The following ADAMTS3 variants were observed in gnomAD, a reference collection of about 807,000 sequenced individuals.
ADAMTS3 encodes the protein ADAM metallopeptidase with thrombospondin type 1 motif 3.
A neutral mutation model predicts 129.0 loss-of-function variants in ADAMTS3; 73 were observed. The ratio of observed to expected loss-of-function variants is 0.57; its 90% confidence interval spans 0.47 to 0.69. The LOEUF (loss-of-function observed/expected upper bound fraction) is 0.69, where lower values mean the gene tolerates loss of function less well. Among genes scored for constraint, ADAMTS3 ranks in the 30% least tolerant of loss-of-function variants. The pLI is 0.00. For missense variants in ADAMTS3, 1,457 were observed against 1,514.5 expected, an observed-to-expected ratio of 0.96 and a Z score of 0.63; for synonymous variants, 477 against 510.8, an observed-to-expected ratio of 0.93 and a Z score of 0.89.
In ADAMTS3 at chr4:72,319,427, A is replaced by G. The variant is rs1247650512; in HGVS notation, c.1257T>C (p.Thr419=). The G allele has an allele frequency of 6.2e-7, 1 of 1,613,974 alleles. No individual in the cohort carries two copies. Residue 419 remains threonine (T), a synonymous_variant, in exon 9 of 22, where the codon ACT becomes ACC. Transcript: ENST00000286657. ...AGGGAGCCATGACACTTCCCATAGC[A>G]GTCTCATCACCACACCTGTTGCCTT... ...DGQGNRCGDE[T]AMGSVMAPLV...
intron 4 of ADAMTS3, among the ~76,000 whole-genome samples, chr4:72,400,080 GGTGT>G: frequency 2.2e-5 from 1 of 46,116 alleles, no homozygotes; most frequent in South Asian, 1.1e-3. Flanking sequence ...ATGCACACAT[GGTGT>G]GTATATACGT....
chr4:72,357,943 T>C (rs1031006111), intron 4 of ADAMTS3, among the ~76,000 whole-genome samples: 3 of 151,916 alleles, frequency 2.0e-5, no homozygotes, highest in Admixed American at 2.0e-4. Context: ...CAGAAAGACA[T>C]TATGTAGCAA....
At chr4:72,489,631 T>C (rs974746987) in intron 3 of ADAMTS3, among the ~76,000 whole-genome samples, 4 of 151,962 alleles carry the variant, frequency 2.6e-5, no homozygotes, top group African/African-American at 9.7e-5. Context: ...TACATCTCAA[T>C]GGCTACGGCA....
rs371317041 is a variant in ADAMTS3, at chr4:72,298,007, A to C, written c.2590+270T>G. Among the ~76,000 whole-genome samples the C allele has an allele frequency of 5.1e-4, 78 of 152,218 alleles. 2 individuals carry two copies. The South Asian group carries it at 0.016, about 31-fold the overall frequency. ...AGAGTTTTGGAGTTTGGGAAGAATA[A>C]AGTGATTAAGGGTACCACTACAGTA... is the stretch of plus-strand genomic sequence containing the variant. On this transcript the variant is annotated intron_variant, in intron 18 of 21. Transcript: ENST00000286657.
rs1286963678 is a variant in ADAMTS3, at chr4:72,486,844, T to C, written c.504+61634A>G. Reference sequence around the variant, plus strand: ...TCTCTGATGCTTTTCACTCATCTGCTCTATCACTTCCTTATTCCCCCTCTA... The same window carrying C: ...TCTCTGATGCTTTTCACTCATCTGCCCTATCACTTCCTTATTCCCCCTCTA... On this transcript the variant is annotated intron_variant, in intron 3 of 21. Coordinates refer to ENST00000286657, the MANE Select transcript of ADAMTS3 (RefSeq NM_014243.3). 3.3e-5 allele frequency among the ~76,000 whole-genome samples: 5 copies of C among 152,278 alleles called. No individual in the cohort carries two copies. The East Asian group carries it at 9.6e-4, about 29-fold the overall frequency.
At chr4:72,411,335 A>C (rs1440969618) in intron 4 of ADAMTS3, among the ~76,000 whole-genome samples, 1 of 152,088 alleles carries the variant, frequency 6.6e-6, no homozygotes, top group Non-Finnish European at 1.5e-5. Flanking sequence ...GGTCAAGCGG[A>C]ATAGCTTAGG....
intron 3 of ADAMTS3, among the ~76,000 whole-genome samples, chr4:72,516,714 T>C (rs1720493560): frequency 6.6e-6 from 1 of 152,138 alleles, no homozygotes; most frequent in African/African-American, 2.4e-5. Flanking sequence ...TGAAGTTGCT[T>C]ATCAGCTTAA....
At chr4:72,458,987 A>G (rs1718695132) in intron 3 of ADAMTS3, among the ~76,000 whole-genome samples, 1 of 151,726 alleles carries the variant, frequency 6.6e-6, no homozygotes, top group Non-Finnish European at 1.5e-5. Flanking sequence ...CACAGGAAAT[A>G]TTAATGAAAA....
chr4:72,421,565 A>G (rs183069917), intron 3 of ADAMTS3, among the ~76,000 whole-genome samples: 6 of 152,320 alleles, frequency 3.9e-5, no homozygotes, highest in African/African-American at 1.4e-4. Context: ...CCTAAGTAGG[A>G]GAGAGTTTTG....
intron 2 of ADAMTS3, among the ~76,000 whole-genome samples, chr4:72,550,100 GA>G: frequency 1.5e-5 from 2 of 133,840 alleles, no homozygotes; most frequent in Admixed American, 7.5e-5. Context: ...AGAAGAAGAA[GA>G]AGAAGAAGAA....
At chr4:72,287,797 A>G (rs1718550248) in intron 21 of ADAMTS3, among the ~76,000 whole-genome samples, 1 of 152,164 alleles carries the variant, frequency 6.6e-6, no homozygotes, top group Non-Finnish European at 1.5e-5. Context: ...ATGTGGATAG[A>G]GAGCTATGGA....
At chr4:72,385,999 C>A (rs913724942) in intron 4 of ADAMTS3, among the ~76,000 whole-genome samples, 2 of 151,686 alleles carry the variant, frequency 1.3e-5, no homozygotes, top group Non-Finnish European at 2.9e-5. Flanking sequence ...TTTTTTTAGG[C>A]GTGTTAAGAA....
chr4:72,491,660 A>G (rs1317497607), intron 3 of ADAMTS3, among the ~76,000 whole-genome samples: 1 of 151,656 alleles, frequency 6.6e-6, no homozygotes, highest in Admixed American at 6.6e-5. Context: ...CATGCTGTTG[A>G]TTAGGGTTAC....
intron 3 of ADAMTS3, among the ~76,000 whole-genome samples, chr4:72,539,287 T>C (rs1442760780): frequency 1.3e-5 from 2 of 151,566 alleles, no homozygotes; most frequent in South Asian, 2.1e-4. Context: ...ATCCAGAATA[T>C]ATAAACTCCT....
intron 4 of ADAMTS3, among the ~76,000 whole-genome samples, chr4:72,369,443 G>C (rs1413618460): frequency 6.6e-6 from 1 of 152,236 alleles, no homozygotes; most frequent in East Asian, 1.9e-4. Context: ...GGGCGCGGTG[G>C]CTCACGACTG....
chr4:72,288,228 T>C (rs1718562385), intron 21 of ADAMTS3, among the ~76,000 whole-genome samples: 1 of 152,194 alleles, frequency 6.6e-6, no homozygotes, highest in African/African-American at 2.4e-5. Flanking sequence ...GCTTTTGCCA[T>C]ACAGCAAGTT....
At chr4:72,452,483 T>C (rs1321303169) in intron 3 of ADAMTS3, among the ~76,000 whole-genome samples, 1 of 151,758 alleles carries the variant, frequency 6.6e-6, no homozygotes, top group African/African-American at 2.4e-5. Context: ...TGCTTCTAGA[T>C]ATAATTGTAT....
rs181805238 is a variant in ADAMTS3, at chr4:72,492,685, C to T, written c.504+55793G>A. Among the ~76,000 whole-genome samples the T allele has an allele frequency of 9.2e-5, 14 of 151,768 alleles. No individual in the cohort carries two copies. The South Asian group carries it at 1.0e-3, about 11-fold the overall frequency. ...CTGTGTGTACTGAAAAGTTCTGTTG[C>T]GTGAAAAGTTCTGTATACATCAGAT... On this transcript the variant is annotated intron_variant, in intron 3 of 21. Transcript: ENST00000286657.
intron 3 of ADAMTS3, among the ~76,000 whole-genome samples, chr4:72,515,072 G>C (rs915522014): frequency 1.3e-5 from 2 of 152,054 alleles, no homozygotes; most frequent in Non-Finnish European, 2.9e-5. Flanking sequence ...ATCTATGAAT[G>C]AGAACATGCG....
Sources: gnomAD v4.1 joint callset for allele counts (sites outside exome capture counted in the v4.1 genomes callset) on GRCh38, gnomAD v4.1.1 for gene constraint, MANE v1.5 for transcripts, NCBI Gene and HGNC (gene_info 2026-07-23, HGNC 2026-07-21) for gene names.